The following TTC3 variants were observed in gnomAD, a reference collection of about 807,000 sequenced individuals.
TTC3 encodes E3 ubiquitin-protein ligase TTC3.
Under a neutral mutation model 249.6 loss-of-function variants are expected in TTC3, and 180 were observed. The ratio of observed to expected loss-of-function variants is 0.72; its 90% CI spans 0.64 to 0.82. The LOEUF (loss-of-function observed/expected upper bound fraction) is 0.82. Among genes scored for constraint, TTC3 ranks in the 40% least tolerant of loss-of-function variants. The pLI is 0.00. For synonymous variants in TTC3, 717 were observed against 805.0 expected, an observed-to-expected ratio of 0.89 and a Z score of 1.85; for missense variants, 2,061 against 2,398.4, an observed-to-expected ratio of 0.86 and a Z score of 2.94.
At chr21:37,099,317 CACA>C (rs546052533) in intron 10 of TTC3, among the ~76,000 whole-genome samples, 6 of 152,288 alleles carry the variant, frequency 3.9e-5, no homozygotes, top group African/African-American at 1.2e-4. Context: ...GTAAAACCAT[CACA>C]ACTACGTGAG....
At chr21:37,197,349 C>T (rs974412622) in intron 42 of TTC3, among the ~76,000 whole-genome samples, 9 of 151,496 alleles carry the variant, frequency 5.9e-5, no homozygotes, top group African/African-American at 2.2e-4. Flanking sequence ...GATCGCGCCA[C>T]TGCCCTCCAG....
At chr21:37,158,708 C>T (rs2080363851) in intron 28 of TTC3, among the ~76,000 whole-genome samples, 1 of 152,062 alleles carries the variant, frequency 6.6e-6, no homozygotes, top group Non-Finnish European at 1.5e-5. Flanking sequence ...TCTGTTTTTC[C>T]TCAATTTATC....
chr21:37,176,872 C>T (rs1461213884), intron 35 of TTC3, among the ~76,000 whole-genome samples: 3 of 152,200 alleles, frequency 2.0e-5, no homozygotes, highest in Non-Finnish European at 4.4e-5. Flanking sequence ...AGAAGGTCAG[C>T]TCCACGGCCT....
At chr21:37,132,533 G>A (rs757296047) in intron 16 of TTC3, 149 bp from the exon 17 acceptor site, 7 of 402,118 alleles carry the variant, frequency 1.7e-5, no homozygotes, top group East Asian at 5.1e-5. Flanking sequence ...GGCTGGTCTC[G>A]AACACCTAAC....
intron 12 of TTC3, 96 bp from the exon 13 acceptor site, chr21:37,122,887 C>T (rs112670941): frequency 2.3e-6 from 3 of 1,315,776 alleles, no homozygotes; most frequent in Non-Finnish European, 3.2e-6. Context: ...AATTTGAGGT[C>T]CTTACTATCA....
At chr21:37,092,961 A>G (rs2147701805) in intron 7 of TTC3, among the ~76,000 whole-genome samples, 1 of 152,322 alleles carries the variant, frequency 6.6e-6, no homozygotes, top group South Asian at 2.1e-4. Context: ...CATTTTACTC[A>G]TGAGAGTCAA....
chr21:37,151,650 A>G (rs1380776016), intron 25 of TTC3, among the ~76,000 whole-genome samples: 2 of 152,198 alleles, frequency 1.3e-5, no homozygotes, highest in African/African-American at 2.4e-5. Flanking sequence ...GATACATGAA[A>G]GTGACATCTA....
chr21:37,160,020 A>G (rs1438030612), intron 29 of TTC3, among the ~76,000 whole-genome samples: 1 of 152,230 alleles, frequency 6.6e-6, no homozygotes, highest in South Asian at 2.1e-4. Context: ...TTAAGAAAGG[A>G]AGAGTTCTTC....
chr21:37,104,546 C>T lies in TTC3; in HGVS notation c.846-3846C>T, dbSNP rs549544629. On this transcript the variant is annotated intron_variant, in intron 10 of 45. Transcript: ENST00000355666. ...CGGAGGTTGCAGTGAGCCAAAGTAG[C>T]GCCATTGCGCTCCAGCCTCGGCGAC... Among the ~76,000 whole-genome samples, 72 of 144,580 alleles carry T rather than the reference C, an allele frequency of 5.0e-4. No homozygotes were observed. In the South Asian group the frequency reaches 6.6e-3, roughly 13 times the overall value. The allele number at this position is 144,580 out of a possible 152,430, so 94.9% of individuals were successfully genotyped here.
At chr21:37,168,415 A>G (rs1321575062) in intron 34 of TTC3, among the ~76,000 whole-genome samples, 2 of 152,302 alleles carry the variant, frequency 1.3e-5, no homozygotes, top group East Asian at 3.9e-4. Flanking sequence ...ACACTAACCT[A>G]TATAAACCTA....
chr21:37,147,694 C>A, intron 22 of TTC3, 91 bp downstream of exon 22: 1 of 1,445,152 alleles, frequency 6.9e-7, no homozygotes. Context: ...CACCCAAGTT[C>A]TCTGGCTAGT....
intron 5 of TTC3, 119 bp from the exon 6 acceptor site, chr21:37,090,100 TGTAAATGCTTGTCG>T: frequency 1.8e-6 from 1 of 562,256 alleles, no homozygotes; most frequent in Non-Finnish European, 3.0e-6. Flanking sequence ...AACTTGGTCA[TGTAAATGCTTGTCG>T]GAAGTGTACT....
At chr21:37,073,598 CT>C in intron 1 of TTC3, 125 bp downstream of exon 1, 1 of 725,676 alleles carries the variant, frequency 1.4e-6, no homozygotes, top group Non-Finnish European at 1.7e-6. Flanking sequence ...GGTTTGCCCC[CT>C]TGGTCTGGTG....
intron 11 of TTC3, among the ~76,000 whole-genome samples, chr21:37,116,169 T>C (rs2076127631): frequency 6.6e-6 from 1 of 152,212 alleles, no homozygotes; most frequent in Non-Finnish European, 1.5e-5. Context: ...TAGTAAATAA[T>C]TGTTGACTTA....
At chr21:37,131,965 A>G (rs2077508018) in intron 16 of TTC3, among the ~76,000 whole-genome samples, 1 of 152,204 alleles carries the variant, frequency 6.6e-6, no homozygotes, top group South Asian at 2.1e-4. Context: ...CACATTGAAC[A>G]TCTTTGCACT....
exon 33 of TTC3, chr21:37,166,076 T>C (rs1207112031): frequency 6.2e-7 from 1 of 1,614,158 alleles, no homozygotes; most frequent in East Asian, 2.2e-5. Context: ...GGATGCAAAT[T>C]ACAAGCGAGT....
chr21:37,124,276 T>C (rs903845267), intron 13 of TTC3, among the ~76,000 whole-genome samples: 4 of 151,820 alleles, frequency 2.6e-5, no homozygotes, highest in South Asian at 2.1e-4. Context: ...CCACCACACC[T>C]GGCTAATTTT....
intron 12 of TTC3, among the ~76,000 whole-genome samples, chr21:37,122,437 T>TATATATATATAA (rs913030475): frequency 4.6e-4 from 13 of 28,534 alleles, no homozygotes; most frequent in African/African-American, 1.1e-3. Flanking sequence ...TATATATATA[T>TATATATATATAA]TATATATATA....
At chr21:37,145,268 A>C (rs900157144) in intron 21 of TTC3, among the ~76,000 whole-genome samples, 2 of 152,242 alleles carry the variant, frequency 1.3e-5, no homozygotes, top group African/African-American at 4.8e-5. Flanking sequence ...TTAAAATCAC[A>C]GAAGTCAACT....
Sources: allele counts gnomAD v4.1 joint callset (sites outside exome capture counted in the v4.1 genomes callset), GRCh38; gene constraint gnomAD v4.1.1; transcripts MANE v1.5; gene names NCBI Gene and HGNC (gene_info 2026-07-23, HGNC 2026-07-21).